PAX2: variants seen among roughly 807,000 people sequenced by gnomAD.
PAX2 encodes paired box 2, also known as paired box protein Pax-2.
PAX2 carries 9 observed loss-of-function variants against 41.7 expected under a neutral mutation model. The ratio of observed to expected loss-of-function variants is 0.22; its 90% CI spans 0.13 to 0.38. The LOEUF is 0.38. Ranked by LOEUF, PAX2 falls within the 10% of genes least tolerant of loss-of-function variation. The pLI, the probability that PAX2 is intolerant of heterozygous loss-of-function variation, is 1.00. For missense variants in PAX2, 418 were observed against 531.6 expected (o/e 0.79, Z 2.10); for synonymous variants, 221 against 212.7 (o/e 1.04, Z -0.34).
chr10:100,799,789 C>CTTTT (rs56012188), intron 5 of PAX2, among the ~76,000 whole-genome samples: 33 of 89,900 alleles, frequency 3.7e-4, no homozygotes, highest in African/African-American at 7.7e-4. Context: ...TAGTGTAATT[C>CTTTT]TTTTTTTTTT....
At chr10:100,754,271 T>C (rs1370850226) in intron 3 of PAX2, among the ~76,000 whole-genome samples, 3 of 152,232 alleles carry the variant, frequency 2.0e-5, no homozygotes, top group Non-Finnish European at 4.4e-5. Context: ...TACACCTCCT[T>C]TGAAAGAACA....
intron 5 of PAX2, among the ~76,000 whole-genome samples, chr10:100,797,992 G>A (rs968221799): frequency 3.3e-5 from 5 of 152,056 alleles, no homozygotes; most frequent in African/African-American, 1.2e-4. Context: ...TAGAAGCTAG[G>A]CTTGGTCAAG....
chr10:100,758,461 G>C (rs1374467149), intron 3 of PAX2, among the ~76,000 whole-genome samples: 1 of 152,208 alleles, frequency 6.6e-6, no homozygotes, highest in Non-Finnish European at 1.5e-5. Flanking sequence ...TTCTATTCTA[G>C]AAACGTTCAG....
intron 5 of PAX2, among the ~76,000 whole-genome samples, chr10:100,789,495 A>ACT (rs1214202353): frequency 6.6e-5 from 10 of 151,860 alleles, no homozygotes; most frequent in African/African-American, 2.4e-4. Flanking sequence ...CACATCACAG[A>ACT]CTCTCCCCTC....
rs940754837 is a variant in PAX2 at position 100,777,204 on chromosome 10, C to T, written c.411-2294C>T. Among the ~76,000 whole-genome samples the T allele has an allele frequency of 6.0e-5, 9 of 150,346 alleles. No individual in the cohort carries two copies. In the East Asian group the frequency reaches 9.8e-4, roughly 16 times the overall value. Reference sequence around the variant, plus strand: ...GCAACCTCCGCCTCCTGGGTTCAAGCGATTCTCCTGCCTCAGCCTCCTGAG... The same window carrying T: ...GCAACCTCCGCCTCCTGGGTTCAAGTGATTCTCCTGCCTCAGCCTCCTGAG... On this transcript the variant is annotated intron_variant, in intron 3 of 9. Transcript: ENST00000355243.
At chr10:100,752,658 C>G (rs898280269) in intron 3 of PAX2, among the ~76,000 whole-genome samples, 2 of 152,082 alleles carry the variant, frequency 1.3e-5, no homozygotes, top group African/African-American at 4.8e-5. Flanking sequence ...AATTTTCAAG[C>G]CTTTGGAGAA....
Position 100,746,004 on chromosome 10 carries a change from A to C in PAX2, c.-257A>C. ...CGGCCCGGCCCACCGCCCCGGGGCCATTCTGCTGACCGCCCAGCCCCGAGC... is the reference window on the plus strand; with the variant it reads ...CGGCCCGGCCCACCGCCCCGGGGCCCTTCTGCTGACCGCCCAGCCCCGAGC... On this transcript the variant is annotated 5_prime_UTR_variant, in exon 1 of 10. Coordinates refer to ENST00000355243, the MANE Select transcript of PAX2 (RefSeq NM_000278.5). 2 of 1,367,624 alleles carry C rather than the reference A, an allele frequency of 1.5e-6. No homozygotes were observed. Among genetic ancestry groups the C allele is most frequent in the Non-Finnish European group, 1.9e-6 (2 of 1,066,110 alleles). 84.7% of individuals were successfully genotyped at this position (1,367,624 alleles called of 1,614,324 possible).
In PAX2 at chr10:100,750,237, TG is replaced by T. The variant is rs113255578; in HGVS notation, c.212+331del. On this transcript the variant is annotated intron_variant, in intron 2 of 9. Coordinates refer to ENST00000355243, the MANE Select transcript of PAX2 (RefSeq NM_000278.5). The surrounding 1 kb of genome is among the most constrained non-coding windows in gnomAD (Gnocchi z 4.1). ...TACGGGGTGGGAGACATTAGAGGAA[TG>T]GGGGGGGAGTGAAAATGGGTCCCCG... 5.5e-4 allele frequency among the ~76,000 whole-genome samples: 83 copies of T among 150,314 alleles called. No individual in the cohort carries two copies. Among genetic ancestry groups the T allele is most frequent in the African/African-American group, 1.4e-3 (59 of 40,790 alleles).
At chr10:100,780,586 G>A (rs746186792) in intron 4 of PAX2, among the ~76,000 whole-genome samples, 8 of 152,186 alleles carry the variant, frequency 5.3e-5, no homozygotes, top group Non-Finnish European at 8.8e-5. Flanking sequence ...ACCATAGAGC[G>A]AATGGGTTCA....
Position 100,750,011 on chromosome 10 carries a change from C to A in PAX2, c.212+97C>A. 3 of 1,403,296 alleles carry A rather than the reference C, an allele frequency of 2.1e-6. No homozygotes were observed. The highest frequency in any genetic ancestry group is 1.2e-5 in the South Asian group (1 of 80,036). The allele number at this position is 1,403,296 out of a possible 1,614,324, so 86.9% of individuals were successfully genotyped here. A position where few individuals can be genotyped will look rare whatever the true frequency, so the allele number is the denominator to read the frequency against. ...GGACGTGGCTAAAAGTCCAGCGTGC[C>A]AAGCCAGAGAGGGAGATCCCCAAAG... On this transcript the variant is annotated intron_variant, in intron 2 of 9. Transcript: ENST00000355243. This position sits in a 1 kb window ranked among gnomAD's most constrained non-coding sequence, Gnocchi z 4.1.
At position 100,826,518 on chromosome 10, in the gene PAX2, C is replaced by T. The variant is rs1240502398; in HGVS notation, c.1022-491C>T. 6.6e-6 allele frequency among the ~76,000 whole-genome samples: 1 copy of T among 152,190 alleles called. No individual in the cohort carries two copies. The highest frequency in any genetic ancestry group is 6.5e-5 in the Admixed American group (1 of 15,286). On this transcript the variant is annotated intron_variant, in intron 8 of 9. Transcript: ENST00000355243. The surrounding 1 kb of genome is among the most constrained non-coding windows in gnomAD (Gnocchi z 5.5). ...AGGGCGGTGTCTCCCAAAAGAGCTC[C>T]CACCTCTTGTGTTGGCACTGCACAT...
At chr10:100,779,120 G>A (rs190567750) in intron 3 of PAX2, among the ~76,000 whole-genome samples, 10 of 152,294 alleles carry the variant, frequency 6.6e-5, no homozygotes, top group South Asian at 2.1e-4. Context: ...GAAGAGATGC[G>A]TGTGTGGTTG....
intron 3 of PAX2, among the ~76,000 whole-genome samples, chr10:100,773,835 C>T (rs1846295683): frequency 1.3e-5 from 2 of 152,162 alleles, no homozygotes; most frequent in Non-Finnish European, 2.9e-5. Context: ...AGGACTTGTG[C>T]TCAGCACTCT....
chr10:100,750,961 G>C lies in PAX2; in HGVS notation c.410+70G>C, dbSNP rs1589813923. On this transcript the variant is annotated intron_variant, in intron 3 of 9. Transcript: ENST00000355243. This position sits in a 1 kb window ranked among gnomAD's most constrained non-coding sequence, Gnocchi z 4.1. ...GCTCCTGCCTGCAGGGGTGTCCCAC[G>C]CCCAGTCTCTGCTCTTTGTCCAGCC... 7 of 1,168,396 alleles carry C rather than the reference G, an allele frequency of 6.0e-6. No individual in the cohort carries two copies. Among genetic ancestry groups the C allele is most frequent in the Non-Finnish European group, 9.0e-6 (7 of 779,630 alleles). 72.4% of individuals were successfully genotyped at this position (1,168,396 alleles called of 1,614,324 possible).
In PAX2 at chr10:100,749,837, C is replaced by A; in HGVS notation, c.135C>A (p.Ala45=). The change falls in exon 2 of 10, where the codon GCC becomes GCA. Residue 45 remains alanine, a synonymous_variant. Coordinates refer to ENST00000355243, the MANE Select transcript of PAX2 (RefSeq NM_000278.5). ...DVVRQRIVEL[A]HQGVRPCDIS... ...TGAGGCAGCGCATCGTGGAGCTGGC[C>A]CACCAGGGTGTGCGGCCCTGTGACA... 6.2e-7 allele frequency: 1 copy of A among 1,611,958 alleles called. No individual in the cohort carries two copies.
intron 1 of PAX2, among the ~76,000 whole-genome samples, chr10:100,746,511 CTCTG>C (rs1039164035): frequency 6.6e-5 from 10 of 152,194 alleles, no homozygotes; most frequent in African/African-American, 2.4e-4. Context: ...ATTCTTACCT[CTCTG>C]TCTGCCTGCC....
At chr10:100,777,594 C>T (rs1846443533) in intron 3 of PAX2, among the ~76,000 whole-genome samples, 1 of 152,008 alleles carries the variant, frequency 6.6e-6, no homozygotes, top group South Asian at 2.1e-4. Flanking sequence ...GAGATTTCAC[C>T]GTGTTGGCCA....
intron 7 of PAX2, among the ~76,000 whole-genome samples, chr10:100,816,131 T>C (rs1045658569): frequency 1.3e-5 from 2 of 152,238 alleles, no homozygotes; most frequent in African/African-American, 4.8e-5. Flanking sequence ...GCCTCACTTG[T>C]TCATCAGAGA....
chr10:100,803,945 A>G (rs1847663360), intron 5 of PAX2, among the ~76,000 whole-genome samples: 1 of 152,132 alleles, frequency 6.6e-6, no homozygotes, highest in African/African-American at 2.4e-5. Context: ...ATAACCCCTA[A>G]AACAGTACTA....
Sources: gnomAD v4.1 joint callset for allele counts (sites outside exome capture counted in the v4.1 genomes callset) on GRCh38, gnomAD v4.1.1 for gene constraint, Gnocchi (gnomAD v3.1) non-coding constraint, MANE v1.5 for transcripts, NCBI Gene and HGNC (gene_info 2026-07-23, HGNC 2026-07-21) for gene names.